The following ZNF277 variants were observed in gnomAD, a reference collection of about 807,000 sequenced individuals.
ZNF277 encodes zinc finger protein 277, also known as nuclear receptor-interacting factor 4.
ZNF277 carries 55 observed loss-of-function variants against 60.7 expected under a neutral mutation model. The observed-to-expected ratio is 0.91, with a 90% CI of 0.73 to 1.13. ZNF277 has a LOEUF of 1.13. Among genes scored for constraint, ZNF277 ranks in the 50% most tolerant of loss-of-function variants. The probability of loss-of-function intolerance (pLI) is 0.00; values close to 1 mark genes in which losing one functional copy is unlikely to be tolerated. For synonymous variants in ZNF277, 178 were observed against 179.3 expected (o/e 0.99, Z 0.06); for missense variants, 510 against 523.0 (o/e 0.98, Z 0.24).
chr7:112,238,253 A>G (rs1254499871), intron 1 of ZNF277, among the ~76,000 whole-genome samples: 1 of 152,152 alleles, frequency 6.6e-6, no homozygotes, highest in African/African-American at 2.4e-5. Flanking sequence ...GGGGAGGGAG[A>G]GCGCAGTAAT....
chr7:112,314,064 A>T (rs1430213407), intron 4 of ZNF277, among the ~76,000 whole-genome samples: 1 of 152,150 alleles, frequency 6.6e-6, no homozygotes, highest in South Asian at 2.1e-4. Context: ...TGAATGCTAT[A>T]AAACTATGGT....
At chr7:112,244,762 G>A (rs1791043732) in intron 1 of ZNF277, among the ~76,000 whole-genome samples, 1 of 152,004 alleles carries the variant, frequency 6.6e-6, no homozygotes, top group Non-Finnish European at 1.5e-5. Context: ...TAGAATTTAT[G>A]ATCATTTGAT....
intron 1 of ZNF277, among the ~76,000 whole-genome samples, chr7:112,231,051 A>G (rs980375551): frequency 2.6e-5 from 4 of 152,098 alleles, no homozygotes; most frequent in African/African-American, 9.7e-5. Flanking sequence ...CGTCTCTATT[A>G]AAAACACAAA....
At chr7:112,270,114 A>G (rs1791635721) in intron 1 of ZNF277, among the ~76,000 whole-genome samples, 1 of 152,082 alleles carries the variant, frequency 6.6e-6, no homozygotes, top group Non-Finnish European at 1.5e-5. Context: ...AGTAATCCCC[A>G]TAAAAAAAGC....
At chr7:112,269,317 A>T (rs1192081999) in intron 1 of ZNF277, among the ~76,000 whole-genome samples, 2 of 151,772 alleles carry the variant, frequency 1.3e-5, no homozygotes, top group Admixed American at 1.3e-4. Context: ...TAAGATGGGG[A>T]ATCTTGAGTG....
At chr7:112,234,466 C>A (rs1436244708) in intron 1 of ZNF277, among the ~76,000 whole-genome samples, 1 of 152,144 alleles carries the variant, frequency 6.6e-6, no homozygotes, top group Non-Finnish European at 1.5e-5. Flanking sequence ...CTGTCACATT[C>A]ATGAAAGCTC....
chr7:112,293,407 T>C (rs1445372268), intron 2 of ZNF277, among the ~76,000 whole-genome samples: 2 of 151,560 alleles, frequency 1.3e-5, no homozygotes, highest in Non-Finnish European at 2.9e-5. Flanking sequence ...CAAAACCCCA[T>C]CTCTACAAAA....
chr7:112,293,850 C>T (rs1157418613), intron 2 of ZNF277, among the ~76,000 whole-genome samples: 3 of 152,160 alleles, frequency 2.0e-5, no homozygotes, highest in African/African-American at 7.2e-5. Flanking sequence ...AATGGAGTGG[C>T]AACCAGGACT....
At chr7:112,246,130 T>A (rs1006174080) in intron 1 of ZNF277, among the ~76,000 whole-genome samples, 1 of 152,044 alleles carries the variant, frequency 6.6e-6, no homozygotes, top group Non-Finnish European at 1.5e-5. Flanking sequence ...ATACCTGTAA[T>A]CTTACTATTT....
At chr7:112,249,454 A>G (rs190697908) in intron 1 of ZNF277, among the ~76,000 whole-genome samples, 46 of 152,300 alleles carry the variant, frequency 3.0e-4, no homozygotes, top group Non-Finnish European at 5.1e-4. Flanking sequence ...AGGTCTGCTT[A>G]GTAGATACTT....
At chr7:112,251,986 T>C (rs1442946584) in intron 1 of ZNF277, among the ~76,000 whole-genome samples, 3 of 152,188 alleles carry the variant, frequency 2.0e-5, no homozygotes, top group Admixed American at 1.3e-4. Flanking sequence ...GTAAGGAGGA[T>C]AGATTTTTCA....
chr7:112,332,296 T>G (rs1793244336), intron 7 of ZNF277, among the ~76,000 whole-genome samples: 1 of 152,156 alleles, frequency 6.6e-6, no homozygotes, highest in Non-Finnish European at 1.5e-5. Flanking sequence ...TTAAATTGTT[T>G]AATTTAAGTC....
At chr7:112,303,957 A>G (rs1368640730) in intron 4 of ZNF277, among the ~76,000 whole-genome samples, 1 of 152,100 alleles carries the variant, frequency 6.6e-6, no homozygotes, top group East Asian at 1.9e-4. Context: ...AGGTACTGAT[A>G]TCTTTCAAGA....
At chr7:112,239,493 G>A (rs575866414) in intron 1 of ZNF277, among the ~76,000 whole-genome samples, 149 of 152,176 alleles carry the variant, frequency 9.8e-4, no homozygotes, top group Non-Finnish European at 1.7e-3. Context: ...AGGAGTGTTT[G>A]TGACCCCTTT....
chr7:112,243,844 G>A (rs1791017379), intron 1 of ZNF277, among the ~76,000 whole-genome samples: 1 of 152,022 alleles, frequency 6.6e-6, no homozygotes, highest in Non-Finnish European at 1.5e-5. Flanking sequence ...AAAGATACCT[G>A]CACTCATATG....
chr7:112,281,614 G>C (rs1207123645), intron 1 of ZNF277, among the ~76,000 whole-genome samples: 1 of 152,052 alleles, frequency 6.6e-6, no homozygotes, highest in African/African-American at 2.4e-5. Flanking sequence ...CTAAACATCT[G>C]GCTGTAAATA....
intron 4 of ZNF277, among the ~76,000 whole-genome samples, chr7:112,310,486 T>A (rs1297978778): frequency 0.04 from 3,831 of 95,674 alleles, 295 homozygotes; most frequent in African/African-American, 0.19. Flanking sequence ...AGAGTGTGTG[T>A]GTGTGTATGT....
chr7:112,316,067 A>C (rs1405032945), intron 4 of ZNF277, among the ~76,000 whole-genome samples: 2 of 152,170 alleles, frequency 1.3e-5, no homozygotes, highest in Admixed American at 1.3e-4. Flanking sequence ...TTTGGCACCA[A>C]GTAGCTATGC....
intron 1 of ZNF277, among the ~76,000 whole-genome samples, chr7:112,215,555 T>G (rs1011352709): frequency 6.6e-6 from 1 of 152,248 alleles, no homozygotes; most frequent in South Asian, 2.1e-4. Context: ...GAGAGTCTCT[T>G]CTAGTTCCAT....
Sources: allele counts gnomAD v4.1 joint callset (sites outside exome capture counted in the v4.1 genomes callset), GRCh38; gene constraint gnomAD v4.1.1; transcripts MANE v1.5; gene names NCBI Gene and HGNC (gene_info 2026-07-23, HGNC 2026-07-21).